Variants in SPAM1 observed in about 807,000 individuals in gnomAD.
The protein encoded by SPAM1 is sperm adhesion molecule 1.
In SPAM1, 22 loss-of-function variants were observed where a neutral mutation model predicts 29.6. That is an observed-to-expected ratio of 0.74 (90% CI 0.53 to 1.06). The LOEUF is 1.06. Among genes scored for constraint, SPAM1 ranks in the 50% least tolerant of loss-of-function variants. The probability of loss-of-function intolerance (pLI) is 0.00; values close to 1 mark genes in which losing one functional copy is unlikely to be tolerated. For missense variants in SPAM1, 534 were observed against 604.0 expected, an observed-to-expected ratio of 0.88 and a Z score of 1.21; for synonymous variants, 194 against 204.6, an observed-to-expected ratio of 0.95 and a Z score of 0.44.
At chr7:123,966,093 T>C (rs1301527003) in intron 5 of SPAM1, among the ~76,000 whole-genome samples, 1 of 151,850 alleles carries the variant, frequency 6.6e-6, no homozygotes, top group African/African-American at 2.4e-5. Context: ...AACAACCCCA[T>C]TAAGAAGTGG....
chr7:123,940,282 G>A (rs1808391180), intron 1 of SPAM1, among the ~76,000 whole-genome samples: 1 of 151,906 alleles, frequency 6.6e-6, no homozygotes, highest in Non-Finnish European at 1.5e-5. Context: ...CAATTGATGA[G>A]TGGCTCTGAA....
chr7:123,941,262 C>T (rs1233300134), intron 1 of SPAM1, among the ~76,000 whole-genome samples: 1 of 152,198 alleles, frequency 6.6e-6, no homozygotes, highest in Non-Finnish European at 1.5e-5. Context: ...GACACAGCCT[C>T]AGGAGGTCCT....
intron 6 of SPAM1, among the ~76,000 whole-genome samples, chr7:123,970,731 G>A (rs1792487426): frequency 6.6e-6 from 1 of 151,632 alleles, no homozygotes. Flanking sequence ...AATTAATAAA[G>A]ACTTTAACTT....
At chr7:123,940,994 C>T (rs73226193) in intron 1 of SPAM1, among the ~76,000 whole-genome samples, 4,014 of 152,240 alleles carry the variant, frequency 0.026, 58 homozygotes, top group Middle Eastern at 0.078. Context: ...TTCCTAATTA[C>T]ACCATTACAA....
chr7:123,930,854 C>A (rs1808054319), intron 1 of SPAM1, among the ~76,000 whole-genome samples: 1 of 152,180 alleles, frequency 6.6e-6, no homozygotes, highest in Non-Finnish European at 1.5e-5. Context: ...ACCTAGCAAG[C>A]TCCATCTAAC....
chr7:123,962,854 A>G (rs919636562), downstream of SPAM1, among the ~76,000 whole-genome samples: 1 of 151,870 alleles, frequency 6.6e-6, no homozygotes, highest in Non-Finnish European at 1.5e-5. Flanking sequence ...GTGTGTGTAT[A>G]TATACACAAA....
At chr7:123,938,924 G>A (rs965971399) in intron 1 of SPAM1, among the ~76,000 whole-genome samples, 2 of 152,068 alleles carry the variant, frequency 1.3e-5, no homozygotes, top group African/African-American at 2.4e-5. Flanking sequence ...GCAGAACCGG[G>A]ATTGGTCCTA....
intron 1 of SPAM1, among the ~76,000 whole-genome samples, chr7:123,937,349 C>T (rs1406703349): frequency 1.4e-4 from 21 of 152,104 alleles, no homozygotes; most frequent in Non-Finnish European, 4.4e-5. Flanking sequence ...CGCCTGTAAT[C>T]CCAGCATTTT....
chr7:123,939,465 TCTTCTGAA>T (rs1808361348), intron 1 of SPAM1, among the ~76,000 whole-genome samples: 1 of 152,188 alleles, frequency 6.6e-6, no homozygotes, highest in East Asian at 1.9e-4. Context: ...GACATACTAG[TCTTCTGAA>T]TAATGCTTGT....
At chr7:123,938,384 A>C (rs1808323223) in intron 1 of SPAM1, among the ~76,000 whole-genome samples, 1 of 152,230 alleles carries the variant, frequency 6.6e-6, no homozygotes, top group Non-Finnish European at 1.5e-5. Context: ...CTAAGGAAAA[A>C]TTCAGTCTGC....
rs191469736 is a variant in SPAM1 at position 123,936,650 on chromosome 7, T to C, written c.-319+11298T>C. On this transcript the variant is annotated intron_variant, in intron 1 of 4. Transcript: ENST00000682466. ...GTGCTGCAGGCTTGGTTTATCTTAG[T>C]TCTCCCCCTCCCTTCTTCCCTGATA... 9.8e-5 allele frequency among the ~76,000 whole-genome samples: 15 copies of C among 152,332 alleles called. No individual in the cohort carries two copies. The East Asian group carries it at 2.9e-3, about 29-fold the overall frequency.
intron 3 of SPAM1, 123 bp from the exon 4 acceptor site, chr7:123,954,874 A>G: frequency 1.5e-6 from 1 of 676,618 alleles, no homozygotes; most frequent in South Asian, 1.8e-5. Context: ...AAGAGATAGA[A>G]ATAGTGGGGA....
chr7:123,933,705 A>G (rs928070864), intron 1 of SPAM1, among the ~76,000 whole-genome samples: 9 of 152,328 alleles, frequency 5.9e-5, no homozygotes, highest in African/African-American at 2.2e-4. Context: ...GGAATATACA[A>G]GGAACTCAAA....
intron 5 of SPAM1, among the ~76,000 whole-genome samples, chr7:123,966,685 A>T (rs1187127461): frequency 1.3e-5 from 2 of 151,992 alleles, no homozygotes; most frequent in Non-Finnish European, 2.9e-5. Context: ...ACCAAACACC[A>T]CATGTTCTTC....
chr7:123,931,462 G>C (rs1215600526), intron 1 of SPAM1, among the ~76,000 whole-genome samples: 1 of 152,176 alleles, frequency 6.6e-6, no homozygotes, highest in Non-Finnish European at 1.5e-5. Context: ...CATGCACAGA[G>C]AGGCCAAGAA....
intron 1 of SPAM1, among the ~76,000 whole-genome samples, chr7:123,929,220 T>C (rs753525767): frequency 2.4e-4 from 36 of 152,160 alleles, no homozygotes; most frequent in Admixed American, 9.8e-4. Context: ...TGAGTGTACT[T>C]TTCAACCTTA....
intron 4 of SPAM1, among the ~76,000 whole-genome samples, chr7:123,957,352 G>A (rs765757910): frequency 6.6e-6 from 1 of 151,932 alleles, no homozygotes; most frequent in Non-Finnish European, 1.5e-5. Context: ...CAAGCAGTGG[G>A]AACAGTAAAT....
At chr7:123,933,195 A>G (rs1054240309) in intron 1 of SPAM1, among the ~76,000 whole-genome samples, 10 of 151,508 alleles carry the variant, frequency 6.6e-5, no homozygotes, top group Admixed American at 1.3e-4. Context: ...TGCATTAGGT[A>G]TTTGTCCTAT....
downstream of SPAM1, among the ~76,000 whole-genome samples, chr7:123,962,700 T>C (rs1792374679): frequency 6.6e-6 from 1 of 151,912 alleles, no homozygotes; most frequent in South Asian, 2.1e-4. Context: ...TTTTTTATTC[T>C]ATAAAGTCAT....
Sources: gnomAD v4.1 joint callset for allele counts (sites outside exome capture counted in the v4.1 genomes callset) on GRCh38, gnomAD v4.1.1 for gene constraint, MANE v1.5 for transcripts, NCBI Gene and HGNC (gene_info 2026-07-23, HGNC 2026-07-21) for gene names.